The following CACNG4 variants were observed in gnomAD, a reference collection of about 807,000 sequenced individuals.
CACNG4 encodes voltage-dependent calcium channel gamma-4 subunit.
Under a neutral mutation model 22.9 loss-of-function variants are expected in CACNG4, and 8 were observed. The observed-to-expected ratio is 0.35, with a 90% CI of 0.21 to 0.63. The LOEUF is 0.63. Among genes scored for constraint, CACNG4 ranks in the 30% least tolerant of loss-of-function variants. CACNG4 has a pLI of 0.72. For missense variants in CACNG4, 357 were observed against 455.4 expected (o/e 0.78, Z 1.97); for synonymous variants, 188 against 191.9 (o/e 0.98, Z 0.17).
Position 67,030,364 on chromosome 17 carries a change from G to A in CACNG4, c.446-102G>A. 3 of 909,098 alleles carry A rather than the reference G, an allele frequency of 3.3e-6. No individual in the cohort carries two copies. The highest frequency in any genetic ancestry group is 3.2e-5 in the South Asian group (2 of 62,536). The allele number at this position is 909,098 out of a possible 1,614,324, so 56.3% of individuals were successfully genotyped here. On this transcript the variant is annotated intron_variant, in intron 3 of 3. Transcript: ENST00000262138. The surrounding 1 kb of genome is among the most constrained non-coding windows in gnomAD (Gnocchi z 6.4). ...GAATAAAGAAATACTCATCAGAGAG[G>A]GGAGTGTCCACCTGTTCCCTACACT...
At chr17:66,989,770 T>G (rs2035327691) in intron 1 of CACNG4, among the ~76,000 whole-genome samples, 1 of 151,418 alleles carries the variant, frequency 6.6e-6, no homozygotes, top group Non-Finnish European at 1.5e-5. Flanking sequence ...GCTAAGAACA[T>G]GTATGTGTCA....
At chr17:67,007,957 G>A (rs1361561666) in intron 1 of CACNG4, among the ~76,000 whole-genome samples, 4 of 152,242 alleles carry the variant, frequency 2.6e-5, no homozygotes, top group Non-Finnish European at 5.9e-5. Context: ...AGTGGCTCAC[G>A]TCACTTCAGT....
intron 1 of CACNG4, among the ~76,000 whole-genome samples, chr17:66,966,062 G>A (rs1196904963): frequency 6.6e-6 from 1 of 152,242 alleles, no homozygotes; most frequent in African/African-American, 2.4e-5. Flanking sequence ...AGTAGTAGGT[G>A]TCATGAGGCT....
intron 1 of CACNG4, among the ~76,000 whole-genome samples, chr17:66,981,083 G>A (rs536130041): frequency 1.3e-5 from 2 of 152,308 alleles, no homozygotes; most frequent in Admixed American, 6.5e-5. Context: ...CTTTGTGGCA[G>A]TGAGTCAGTT....
chr17:67,022,884 G>A (rs1334113002), intron 2 of CACNG4, among the ~76,000 whole-genome samples: 1 of 152,244 alleles, frequency 6.6e-6, no homozygotes, highest in Admixed American at 6.5e-5. Context: ...CTGGGTGCTT[G>A]ACATTTTCTC....
chr17:67,026,040 C>A (rs2035562716), intron 3 of CACNG4, among the ~76,000 whole-genome samples: 1 of 151,642 alleles, frequency 6.6e-6, no homozygotes, highest in Admixed American at 6.6e-5. Context: ...TGTTTGAGAA[C>A]TGTGATTGTG....
chr17:67,012,132 G>C (rs1366701238), intron 1 of CACNG4, among the ~76,000 whole-genome samples: 1 of 152,172 alleles, frequency 6.6e-6, no homozygotes, highest in Non-Finnish European at 1.5e-5. Context: ...AGGAGCACTG[G>C]ACAAGGAATC....
intron 1 of CACNG4, among the ~76,000 whole-genome samples, chr17:66,992,131 C>T (rs2035343998): frequency 6.8e-6 from 1 of 146,680 alleles, no homozygotes. Context: ...TGTCATGTCA[C>T]GGGGTACCTG....
At chr17:67,015,631 G>A (rs941363056) in intron 1 of CACNG4, among the ~76,000 whole-genome samples, 4 of 152,178 alleles carry the variant, frequency 2.6e-5, no homozygotes, top group African/African-American at 9.7e-5. Flanking sequence ...AACCCCACGC[G>A]TATATACGTG....
intron 1 of CACNG4, among the ~76,000 whole-genome samples, chr17:67,003,196 T>C (rs200464377): frequency 6.6e-6 from 1 of 151,976 alleles, no homozygotes; most frequent in East Asian, 1.9e-4. Context: ...CATACAATTG[T>C]TTAATCCCCC....
chr17:67,031,109 A>G lies in CACNG4; in HGVS notation c.*105A>G. The G allele has an allele frequency of 7.9e-7, 1 of 1,272,024 alleles. No homozygotes were observed. Among genetic ancestry groups the G allele is most frequent in the Non-Finnish European group, 1.1e-6 (1 of 914,818 alleles). 78.8% of individuals were successfully genotyped at this position (1,272,024 alleles called of 1,614,324 possible). ...GACGACGAACAATGAACTAAAGCCA[A>G]ATGCAGCCCTCCCTGGCCTCCAGAG... On this transcript the variant is annotated 3_prime_UTR_variant, in exon 4 of 4. Transcript: ENST00000262138. This position sits in a 1 kb window ranked among gnomAD's most constrained non-coding sequence, Gnocchi z 4.0.
chr17:67,018,371 T>C lies in CACNG4; in HGVS notation c.304+99T>C, dbSNP rs920721924. The C allele has an allele frequency of 1.3e-4, 107 of 853,722 alleles. No homozygotes were observed. In the African/African-American group the frequency reaches 1.7e-3, roughly 13 times the overall value. 52.9% of individuals were successfully genotyped at this position (853,722 alleles called of 1,614,324 possible). On this transcript the variant is annotated intron_variant, in intron 2 of 3. Transcript: ENST00000262138. ...GAGACACTGGGCATGGAGAGGGTGA[T>C]TGTCTTGGGATGGTCCACTCACTGT...
chr17:67,031,156 C>A lies in CACNG4; in HGVS notation c.*152C>A, dbSNP rs144635948. On this transcript the variant is annotated 3_prime_UTR_variant, in exon 4 of 4. Transcript: ENST00000262138. The surrounding 1 kb of genome is among the most constrained non-coding windows in gnomAD (Gnocchi z 4.0). ...AGAGGTGGCGTGGGCTGGCTTTGCA[C>A]GAAGGTTGTGCTGGGAGACCGGACC... 5.1e-5 allele frequency: 42 copies of A among 821,132 alleles called. 1 individual carries two copies. The African/African-American group carries it at 6.7e-4, about 13-fold the overall frequency. 50.9% of individuals were successfully genotyped at this position (821,132 alleles called of 1,614,324 possible).
chr17:67,001,373 C>G lies in CACNG4; in HGVS notation c.221-16816C>G, dbSNP rs182526233. Among the ~76,000 whole-genome samples the G allele has an allele frequency of 4.0e-3, 607 of 152,266 alleles. 11 individuals carry two copies. The highest frequency in any genetic ancestry group is 0.023 in the Admixed American group (354 of 15,304). On this transcript the variant is annotated intron_variant, in intron 1 of 3. Coordinates refer to ENST00000262138, the MANE Select transcript of CACNG4 (RefSeq NM_014405.4). The stretch of plus-strand genomic sequence containing the variant: ...CCCCTGAGGCCCTGCCACCCCTGTC[C>G]CCTCCCCCTGGTTCTCTAATTCAAG...
chr17:67,029,572 T>C (rs905011549), intron 3 of CACNG4, among the ~76,000 whole-genome samples: 2 of 152,110 alleles, frequency 1.3e-5, no homozygotes, highest in African/African-American at 4.8e-5. Context: ...AGGCGGAGGT[T>C]GCAGTGAGCC....
intron 1 of CACNG4, among the ~76,000 whole-genome samples, chr17:67,004,293 T>C (rs1304196115): frequency 6.6e-6 from 1 of 152,148 alleles, no homozygotes; most frequent in Non-Finnish European, 1.5e-5. Flanking sequence ...TGGGGAAATC[T>C]CTCCGGCTCC....
At chr17:67,002,476 G>A (rs1657231238) in intron 1 of CACNG4, among the ~76,000 whole-genome samples, 1 of 152,160 alleles carries the variant, frequency 6.6e-6, no homozygotes, top group African/African-American at 2.4e-5. Context: ...TGGAAGAACT[G>A]TTCTCAGCCC....
chr17:67,028,056 TA>T (rs200282361), intron 3 of CACNG4, among the ~76,000 whole-genome samples: 6 of 148,524 alleles, frequency 4.0e-5, no homozygotes, highest in African/African-American at 9.9e-5. Flanking sequence ...ACTAGTAGGG[TA>T]AAAAAAAACC....
intron 1 of CACNG4, among the ~76,000 whole-genome samples, chr17:66,986,889 G>A (rs924922165): frequency 6.6e-6 from 1 of 152,170 alleles, no homozygotes; most frequent in African/African-American, 2.4e-5. Flanking sequence ...TACTACATCT[G>A]TAATGACTTT....
Sources: allele counts gnomAD v4.1 joint callset (sites outside exome capture counted in the v4.1 genomes callset), GRCh38; gene constraint gnomAD v4.1.1; non-coding constraint Gnocchi (gnomAD v3.1); transcripts MANE v1.5; gene names NCBI Gene and HGNC (gene_info 2026-07-23, HGNC 2026-07-21).